The following WDR87 variants were observed in gnomAD, a reference collection of about 807,000 sequenced individuals.
WDR87 encodes WD repeat-containing protein 87.
WDR87 carries 56 observed loss-of-function variants against 83.3 expected under a neutral mutation model. The ratio of observed to expected loss-of-function variants is 0.67; its 90% CI spans 0.54 to 0.84. The LOEUF is 0.84. WDR87 is among the 40% of genes least tolerant of loss of function. The pLI is 0.00. For missense variants in WDR87, 2,939 were observed against 3,431.9 expected, an observed-to-expected ratio of 0.86 and a Z score of 3.59; for synonymous variants, 1,173 against 1,250.6, an observed-to-expected ratio of 0.94 and a Z score of 1.31.
rs1296217032 is a variant in WDR87 at position 37,888,525 on chromosome 19, C to G, written c.5146G>C (p.Glu1716Gln). The change falls in exon 6 of 6, where the codon GAG becomes CAG. Residue 1716 changes from glutamate to glutamine, a missense_variant. Around this residue, in one of 3 missense-constraint regions of WDR87, gnomAD observed 2,160 missense variants for 2,533.1 expected, o/e 0.85. Transcript: ENST00000447313. ...KKWEKVAREE[E>Q]KLAKKGGKLA... The stretch of plus-strand genomic sequence containing the variant: ...TTCCCTCCTTTCTTTGCTAGTTTCT[C>G]TTCTTCTCTAGCCACTTTCTCCCAT... 2.6e-6 allele frequency: 4 copies of G among 1,551,510 alleles called. No individual in the cohort carries two copies. In the African/African-American group the frequency reaches 5.5e-5, roughly 21 times the overall value.
chr19:37,902,642 T>C (rs756881394), intron 1 of WDR87, among the ~76,000 whole-genome samples: 10 of 152,216 alleles, frequency 6.6e-5, no homozygotes, highest in Non-Finnish European at 8.8e-5. Flanking sequence ...ACAAACCAGG[T>C]CCATGACTGG....
Position 37,890,243 on chromosome 19 carries a change from T to G in WDR87, c.3428A>C (p.Lys1143Thr). Reference protein sequence around the residue: ...QKWLRGLKKTKERDSKQMSTE... With the variant: ...QKWLRGLKKTTERDSKQMSTE... The stretch of plus-strand genomic sequence containing the variant: ...GCTCATCTGTTTAGAGTCTCTCTCT[T>G]TCGTCTTCTTGAGACCCCGCAACCA... The change falls in exon 6 of 6, where the codon AAA (lysine) becomes ACA (threonine). Residue 1143 changes from lysine (K) to threonine (T), a missense_variant. This residue lies in a region of WDR87 where 2,160 missense variants were observed against 2,533.1 expected (regional missense o/e 0.85). Transcript: ENST00000447313. 1 of 1,541,620 alleles carries G rather than the reference T, an allele frequency of 6.5e-7. No individual in the cohort carries two copies. Among genetic ancestry groups the G allele is most frequent in the Non-Finnish European group, 8.8e-7 (1 of 1,141,090 alleles).
Position 37,893,163 on chromosome 19 carries a change from T to C in WDR87, c.2540A>G (p.His847Arg). The C allele has an allele frequency of 6.4e-7, 1 of 1,551,956 alleles. No homozygotes were observed. The highest frequency in any genetic ancestry group is 2.0e-5 in the Admixed American group (1 of 51,006). Residue 847 changes from histidine to arginine, a missense_variant, in exon 4 of 6, where the codon CAT (histidine) becomes CGT (arginine). Around this residue, in one of 3 missense-constraint regions of WDR87, gnomAD observed 2,160 missense variants for 2,533.1 expected, o/e 0.85. Coordinates refer to ENST00000447313, the MANE Select transcript of WDR87 (RefSeq NM_001291088.2). Reference sequence around the variant, plus strand: ...CCATTCCAGCTCCCGCTGGGGTGCATGCAGGTTGCACTGTAGGTATATTGG... The same window carrying C: ...CCATTCCAGCTCCCGCTGGGGTGCACGCAGGTTGCACTGTAGGTATATTGG... ...GTPIYLQCNL[H>R]APQRELEWDR...
intron 1 of WDR87, among the ~76,000 whole-genome samples, chr19:37,899,280 G>T (rs550507149): frequency 9.9e-5 from 15 of 151,852 alleles, no homozygotes; most frequent in African/African-American, 3.6e-4. Context: ...TTAGCTGGGC[G>T]TTGTGGCACG....
At position 37,893,934 on chromosome 19, in the gene WDR87, G is replaced by C. The variant is rs187535289; in HGVS notation, c.1769C>G (p.Ser590Cys). The C allele has an allele frequency of 2.3e-4, 355 of 1,551,896 alleles. 1 individual carries two copies. The highest frequency in any genetic ancestry group is 8.8e-4 in the East Asian group (36 of 40,910). The change falls in exon 4 of 6, where the codon TCT (serine) becomes TGT (cysteine). Residue 590 changes from serine to cysteine, a missense_variant. This residue lies in a region of WDR87 where 553 missense variants were observed against 577.9 expected (regional missense o/e 0.96). Transcript: ENST00000447313. ...RLWKFHDFLS[S>C]GSQNGLKFIE... Reference sequence around the variant, plus strand: ...GAATTTCAAGCCATTCTGTGACCCAGAGGACAGAAAATCATGGAACTTCCA... The same window carrying C: ...GAATTTCAAGCCATTCTGTGACCCACAGGACAGAAAATCATGGAACTTCCA...
rs915451101 is a variant in WDR87 at position 37,885,078 on chromosome 19, G to A, written c.8593C>T (p.Pro2865Ser). The change falls in exon 6 of 6, where the codon CCC (proline) becomes TCC (serine). Residue 2865 changes from proline to serine, a missense_variant. Physicochemically the swap from Pro to Ser is moderately conservative, Grantham distance 74 (BLOSUM62 -1). Coordinates refer to ENST00000447313, the MANE Select transcript of WDR87 (RefSeq NM_001291088.2). ...CGCACACAGTTCTGCCATGGGAGGG[G>A]TACCGCACCCTGGAACTCCTGAGGA... ...RSPQEFQGAVPLPWQNCVRTI... is the reference protein window; with the variant it reads ...RSPQEFQGAVSLPWQNCVRTI... 10 of 1,470,262 alleles carry A rather than the reference G, an allele frequency of 6.8e-6. No homozygotes were observed. The highest frequency in any genetic ancestry group is 1.4e-5 in the South Asian group (1 of 68,984). The allele number at this position is 1,470,262 out of a possible 1,614,324, so 91.1% of individuals were successfully genotyped here. A position where few individuals can be genotyped will look rare whatever the true frequency, so the allele number is the denominator to read the frequency against.
chr19:37,904,878 G>A (rs566832467), intron 1 of WDR87, among the ~76,000 whole-genome samples: 14 of 152,084 alleles, frequency 9.2e-5, no homozygotes, highest in African/African-American at 2.2e-4. Flanking sequence ...AGCTAATGCC[G>A]CAAATGAGTA....
chr19:37,887,967 T>G lies in WDR87; in HGVS notation c.5704A>C (p.Asn1902His). 6.4e-7 allele frequency: 1 copy of G among 1,550,788 alleles called. No homozygotes were observed. The highest frequency in any genetic ancestry group is 2.0e-5 in the Admixed American group (1 of 50,776). Residue 1902 changes from asparagine (N) to histidine (H), a missense_variant, in exon 6 of 6, where the codon AAT becomes CAT. Physicochemically the swap from Asn to His is moderately conservative, Grantham distance 68. Transcript: ENST00000447313. ...LAQRKENLLY[N>H]KERLTHSKKQ... ...TTGCTGTGGGTGAGTCTTTCTTTATTATAGAGTAGGTTCTCTTTCCTCTGA... is the reference window on the plus strand; with the variant it reads ...TTGCTGTGGGTGAGTCTTTCTTTATGATAGAGTAGGTTCTCTTTCCTCTGA...
Position 37,895,056 on chromosome 19 carries a change from G to T in WDR87, c.647C>A (p.Thr216Lys). 1.3e-6 allele frequency: 2 copies of T among 1,551,672 alleles called. No homozygotes were observed. The highest frequency in any genetic ancestry group is 1.7e-6 in the Non-Finnish European group (2 of 1,146,972). Residue 216 changes from threonine to lysine, a missense_variant, in exon 4 of 6, where the codon ACG becomes AAG. Thr to Lys is a moderately conservative substitution (Grantham distance 78, BLOSUM62 -1). Coordinates refer to ENST00000447313, the MANE Select transcript of WDR87 (RefSeq NM_001291088.2). ...PSGSLLALCE[T>K]VVRVLMHQGK... ...CTGGTGCATAAGGACCCTCACCACC[G>T]TCTCACACAGGGCCAGGAGGGAGCC...
Position 37,894,107 on chromosome 19 carries a change from G to A in WDR87, c.1596C>T (p.Asp532=). The change falls in exon 4 of 6, where the codon GAC becomes GAT. Residue 532 remains aspartate, a synonymous_variant. Coordinates refer to ENST00000447313, the MANE Select transcript of WDR87 (RefSeq NM_001291088.2). ...NSLLCSYGMD[D]YVHLSEAVLD... ...GCACAGCTTCTGACAGGTGCACATA[G>A]TCATCCATTCCATAGGAACAGAGCA... is the stretch of plus-strand genomic sequence containing the variant. 2.6e-6 allele frequency: 4 copies of A among 1,552,372 alleles called. No individual in the cohort carries two copies. Among genetic ancestry groups the A allele is most frequent in the Non-Finnish European group, 3.5e-6 (4 of 1,147,150 alleles).
rs747978904 is a variant in WDR87, at chr19:37,887,556, G to A, written c.6115C>T (p.Gln2039Ter). 5.8e-6 allele frequency: 9 copies of A among 1,551,654 alleles called. No individual in the cohort carries two copies. The African/African-American group carries it at 1.2e-4, about 21-fold the overall frequency. ...PETSRQRKMTQVEQELFERKL... is the reference protein window; with the variant it reads ...PETSRQRKMT ...CTCTCAAATAGTTCTTGTTCAACTTGAGTCATTTTCCTTTGTCTAGAAGTT... is the reference window on the plus strand; with the variant it reads ...CTCTCAAATAGTTCTTGTTCAACTTAAGTCATTTTCCTTTGTCTAGAAGTT... The change falls in exon 6 of 6, where the codon CAA becomes TAA. Residue 2039 changes from glutamine (Q) to a stop codon, truncating the protein, a stop_gained. Transcript: ENST00000447313. LOFTEE classifies it low-confidence loss of function (END_TRUNC).
intron 1 of WDR87, among the ~76,000 whole-genome samples, chr19:37,904,153 C>T (rs2046309038): frequency 6.6e-6 from 1 of 152,156 alleles, no homozygotes; most frequent in Non-Finnish European, 1.5e-5. Context: ...CCACCCGCCT[C>T]GGCCTCCCAA....
intron 1 of WDR87, among the ~76,000 whole-genome samples, chr19:37,900,999 C>T (rs550044017): frequency 6.8e-6 from 1 of 146,238 alleles, no homozygotes; most frequent in East Asian, 2.0e-4. Flanking sequence ...ATTAGCCAGG[C>T]GTGGTGGCAT....
chr19:37,890,403 T>TAAA (rs34144200), intron 5 of WDR87, 127 bp from the exon 6 acceptor site: 54 of 1,008,426 alleles, frequency 5.4e-5, no homozygotes, highest in South Asian at 1.5e-4. Flanking sequence ...ACTGAGGCCT[T>TAAA]AAAAAAAAAA....
intron 2 of WDR87, among the ~76,000 whole-genome samples, 196 bp downstream of exon 2, chr19:37,897,969 C>A (rs1464556056): frequency 6.6e-6 from 1 of 152,142 alleles, no homozygotes; most frequent in African/African-American, 2.4e-5. Context: ...TGTCCACTTT[C>A]CACTATCAAA....
rs397859251 is a variant in WDR87, at chr19:37,897,204, G to GTTTT, written c.76-900_76-897dup. Among the ~76,000 whole-genome samples, 36 of 115,268 alleles carry GTTTT rather than the reference G, an allele frequency of 3.1e-4. No individual in the cohort carries two copies. In the East Asian group the frequency reaches 3.6e-3, roughly 12 times the overall value. 75.6% of individuals were successfully genotyped at this position (115,268 alleles called of 152,430 possible). A position where few individuals can be genotyped will look rare whatever the true frequency, so the allele number is the denominator to read the frequency against. ...CTATGAAACATGCATCTGGGATCCT[G>GTTTT]TTTTTTTTTTTTTTTTTTTTGAGAC... On this transcript the variant is annotated intron_variant, in intron 2 of 5. Coordinates refer to ENST00000447313, the MANE Select transcript of WDR87 (RefSeq NM_001291088.2).
chr19:37,901,128 A>G (rs2046291294), intron 1 of WDR87, among the ~76,000 whole-genome samples: 1 of 150,142 alleles, frequency 6.7e-6, no homozygotes, highest in South Asian at 2.1e-4. Flanking sequence ...GACAGAGCAA[A>G]ATCCTGTCTT....
In WDR87 at chr19:37,898,736, C is replaced by T. The variant is rs932773205; in HGVS notation, c.-46-451G>A. On this transcript the variant is annotated intron_variant, in intron 1 of 5. Transcript: ENST00000447313. The stretch of plus-strand genomic sequence containing the variant: ...AACGACTGTAAGTGACAGACACTTA[C>T]GACTGCTGTTTGTAGGCTGGCCTAG... 5.3e-5 allele frequency among the ~76,000 whole-genome samples: 8 copies of T among 152,204 alleles called. 1 individual carries two copies. In the South Asian group the frequency reaches 1.0e-3, roughly 20 times the overall value.
intron 5 of WDR87, among the ~76,000 whole-genome samples, chr19:37,891,337 T>C (rs894404149): frequency 6.6e-6 from 1 of 152,010 alleles, no homozygotes; most frequent in East Asian, 1.9e-4. Flanking sequence ...CTAATTTTTG[T>C]ATTTTTAGTA....
Sources: gnomAD v4.1 joint callset for allele counts (sites outside exome capture counted in the v4.1 genomes callset) on GRCh38, gnomAD v4.1.1 for gene constraint, gnomAD v4.1.1 regional missense constraint, MANE v1.5 for transcripts, NCBI Gene and HGNC (gene_info 2026-07-23, HGNC 2026-07-21) for gene names.